The following ZNF385D variants were observed in gnomAD, a reference collection of about 807,000 sequenced individuals.
ZNF385D encodes the protein zinc finger protein 385D.
Under a neutral mutation model 35.8 loss-of-function variants are expected in ZNF385D, and 15 were observed. The observed-to-expected ratio is 0.42, with a 90% CI of 0.28 to 0.64. The LOEUF (loss-of-function observed/expected upper bound fraction) is 0.64. Among genes scored for constraint, ZNF385D ranks in the 30% least tolerant of loss-of-function variants. The pLI is 0.23. For synonymous variants in ZNF385D, 212 were observed against 186.8 expected (o/e 1.13, Z -1.10); for missense variants, 474 against 494.6 (o/e 0.96, Z 0.39).
At chr3:21,831,958 T>C (rs926965340) in intron 3 of ZNF385D, among the ~76,000 whole-genome samples, 3 of 152,220 alleles carry the variant, frequency 2.0e-5, no homozygotes, top group Admixed American at 6.5e-5. Context: ...AATGTGCTTT[T>C]AAAATATAAA....
rs772496999 is a variant in ZNF385D, at chr3:22,205,982, G to C, written c.107-36947C>G. Among the ~76,000 whole-genome samples, 3 of 151,854 alleles carry C rather than the reference G, an allele frequency of 2.0e-5. No homozygotes were observed. The East Asian group carries it at 5.8e-4, about 29-fold the overall frequency. ...TAGAGTGGCTGATTGTATTCAAAAA[G>C]ACCCAACTCAAATCTTGCCATATAC... On this transcript the variant is annotated intron_variant, in intron 2 of 5. Coordinates refer to the ZNF385D transcript ENST00000494108.
At chr3:21,801,687 G>C (rs930817815) in intron 3 of ZNF385D, among the ~76,000 whole-genome samples, 2 of 152,112 alleles carry the variant, frequency 1.3e-5, no homozygotes, top group African/African-American at 4.8e-5. Context: ...CAGCTGATAT[G>C]GCTTAGGGAA....
At chr3:21,960,270 G>C (rs1259346419) in intron 3 of ZNF385D, among the ~76,000 whole-genome samples, 2 of 151,090 alleles carry the variant, frequency 1.3e-5, no homozygotes, top group Middle Eastern at 3.4e-3. Flanking sequence ...AGTGGCAGAG[G>C]ATCTAAATAA....
At chr3:21,691,072 G>A (rs191800230) in intron 1 of ZNF385D, among the ~76,000 whole-genome samples, 6 of 151,592 alleles carry the variant, frequency 4.0e-5, no homozygotes, top group Admixed American at 1.3e-4. Context: ...CTTTCTTTCC[G>A]CTCTAGCCTG....
intron 3 of ZNF385D, among the ~76,000 whole-genome samples, chr3:22,119,003 A>C (rs1420146387): frequency 3.9e-5 from 6 of 152,098 alleles, no homozygotes; most frequent in Non-Finnish European, 8.8e-5. Flanking sequence ...CTGCTATTGT[A>C]CTGTTTTTTC....
intron 3 of ZNF385D, among the ~76,000 whole-genome samples, chr3:22,110,558 T>C (rs1294216208): frequency 2.0e-5 from 3 of 151,986 alleles, no homozygotes; most frequent in African/African-American, 7.2e-5. Context: ...AAACACCGCA[T>C]GTTCTCACTC....
chr3:22,077,583 CTTCCTATTTAACACT>C (rs1286407663), intron 3 of ZNF385D, among the ~76,000 whole-genome samples: 1 of 151,938 alleles, frequency 6.6e-6, no homozygotes, highest in Non-Finnish European at 1.5e-5. Context: ...GCAAAGCAGA[CTTCCTATTTAACACT>C]TTCCTTGATG....
chr3:22,218,625 C>G (rs1198440029), intron 2 of ZNF385D, among the ~76,000 whole-genome samples: 1 of 152,064 alleles, frequency 6.6e-6, no homozygotes, highest in South Asian at 2.1e-4. Flanking sequence ...ATATTAGAAT[C>G]TTTTTCTTGT....
rs539681823 is a variant in ZNF385D, at chr3:22,074,766, A to T, written c.325+94051T>A. Among the ~76,000 whole-genome samples the T allele has an allele frequency of 7.2e-5, 11 of 152,052 alleles. No homozygotes were observed. In the East Asian group the frequency reaches 1.9e-3, roughly 27 times the overall value. ...GACACTGTTCAATCTTACTTGTTCC[A>T]TCATCACTTTCCCTTCTCATGATAA... On this transcript the variant is annotated intron_variant, in intron 3 of 5. Coordinates refer to the ZNF385D transcript ENST00000494108.
intron 3 of ZNF385D, among the ~76,000 whole-genome samples, chr3:22,020,135 C>A (rs1697137648): frequency 6.6e-6 from 1 of 151,554 alleles, no homozygotes; most frequent in African/African-American, 2.4e-5. Context: ...TCAGAAAATT[C>A]TGGATACTAT....
At chr3:21,991,320 AC>A (rs1695132312) in intron 3 of ZNF385D, among the ~76,000 whole-genome samples, 2 of 152,150 alleles carry the variant, frequency 1.3e-5, no homozygotes, top group South Asian at 4.1e-4. Context: ...AGTCAAGCAA[AC>A]CTAAAACAAG....
intron 3 of ZNF385D, among the ~76,000 whole-genome samples, chr3:21,957,896 G>A (rs1702373817): frequency 6.6e-6 from 1 of 152,128 alleles, no homozygotes; most frequent in African/African-American, 2.4e-5. Flanking sequence ...AGGAGTAGAT[G>A]TACTAGTTTC....
intron 2 of ZNF385D, among the ~76,000 whole-genome samples, chr3:22,332,209 G>A (rs1481909288): frequency 3.9e-5 from 6 of 152,024 alleles, no homozygotes; most frequent in Non-Finnish European, 5.9e-5. Context: ...CTCCACACCT[G>A]CCTCTATGAT....
At chr3:22,137,070 A>T (rs1704173463) in intron 3 of ZNF385D, among the ~76,000 whole-genome samples, 1 of 152,204 alleles carries the variant, frequency 6.6e-6, no homozygotes, top group Non-Finnish European at 1.5e-5. Flanking sequence ...CCCAGTGCCA[A>T]CTACGGACAT....
intron 3 of ZNF385D, among the ~76,000 whole-genome samples, chr3:21,994,254 T>A (rs1321944702): frequency 3.3e-5 from 5 of 152,206 alleles, no homozygotes; most frequent in Non-Finnish European, 5.9e-5. Context: ...TAAACAGCAT[T>A]CATCAGCAAA....
chr3:22,039,255 CAAA>C (rs376799573), intron 3 of ZNF385D, among the ~76,000 whole-genome samples: 156 of 104,094 alleles, frequency 1.5e-3, no homozygotes, highest in East Asian at 2.9e-3. Context: ...TAATCCAAGC[CAAA>C]AAAAAAAAAA....
intron 2 of ZNF385D, among the ~76,000 whole-genome samples, chr3:22,281,487 A>C (rs1451087665): frequency 6.6e-6 from 1 of 152,088 alleles, no homozygotes; most frequent in Admixed American, 6.6e-5. Context: ...GTGTCTATTG[A>C]AATAATCATG....
intron 2 of ZNF385D, among the ~76,000 whole-genome samples, chr3:22,174,150 AAAATG>A (rs1318055164): frequency 2.6e-5 from 4 of 152,168 alleles, no homozygotes; most frequent in Admixed American, 2.6e-4. Flanking sequence ...TCATTAATAT[AAAATG>A]AAAGTATGTA....
chr3:22,045,403 G>T (rs755812911), intron 3 of ZNF385D, among the ~76,000 whole-genome samples: 2 of 152,120 alleles, frequency 1.3e-5, no homozygotes, highest in African/African-American at 4.8e-5. Context: ...AATGGGAGAT[G>T]ATATCCAGAA....
Sources: gnomAD v4.1 joint callset for allele counts (sites outside exome capture counted in the v4.1 genomes callset) on GRCh38, gnomAD v4.1.1 for gene constraint, MANE v1.5 for transcripts, NCBI Gene and HGNC (gene_info 2026-07-23, HGNC 2026-07-21) for gene names.